The following FARS2 variants were observed in gnomAD, a reference collection of about 807,000 sequenced individuals.
FARS2 encodes phenylalanine--tRNA ligase, mitochondrial.
Under a neutral mutation model 46.4 loss-of-function variants are expected in FARS2, and 40 were observed. The ratio of observed to expected loss-of-function variants is 0.86; its 90% confidence interval spans 0.67 to 1.12. The LOEUF (loss-of-function observed/expected upper bound fraction) is 1.12. Among genes scored for constraint, FARS2 ranks in the 50% most tolerant of loss-of-function variants. The pLI is 0.00. For synonymous variants in FARS2, 234 were observed against 214.9 expected, an observed-to-expected ratio of 1.09 and a Z score of -0.78; for missense variants, 513 against 567.9, an observed-to-expected ratio of 0.90 and a Z score of 0.98.
chr6:5,499,754 A>G (rs1767680953), intron 4 of FARS2, among the ~76,000 whole-genome samples: 1 of 152,174 alleles, frequency 6.6e-6, no homozygotes. Context: ...GTACAAAGCC[A>G]TTTATCTAGT....
chr6:5,385,585 C>A (rs1002837216), intron 2 of FARS2, among the ~76,000 whole-genome samples: 41 of 152,114 alleles, frequency 2.7e-4, no homozygotes, highest in Middle Eastern at 6.8e-3. Context: ...CCATGCCCAG[C>A]TAATTTTTTT....
At chr6:5,256,620 A>T (rs759465123), upstream of FARS2, among the ~76,000 whole-genome samples, 2 of 151,740 alleles carry the variant, frequency 1.3e-5, no homozygotes, top group Non-Finnish European at 2.9e-5. Flanking sequence ...AAGAAACTGC[A>T]GAACAGAGAG....
intron 2 of FARS2, among the ~76,000 whole-genome samples, chr6:5,393,339 G>A (rs1760694581): frequency 6.6e-6 from 1 of 152,026 alleles, no homozygotes; most frequent in African/African-American, 2.4e-5. Context: ...TGGGAGTGAC[G>A]ATGCAGTGGC....
chr6:5,272,194 T>G (rs1766006203), intron 1 of FARS2, among the ~76,000 whole-genome samples: 2 of 152,138 alleles, frequency 1.3e-5, no homozygotes, highest in Non-Finnish European at 2.9e-5. Flanking sequence ...CGATTTTCGT[T>G]ATGGATAGAT....
At chr6:5,486,145 C>T (rs995740010) in intron 4 of FARS2, among the ~76,000 whole-genome samples, 1 of 152,214 alleles carries the variant, frequency 6.6e-6, no homozygotes, top group Non-Finnish European at 1.5e-5. Context: ...GCCATTCACA[C>T]TCAGTAAATG....
intron 1 of FARS2, among the ~76,000 whole-genome samples, chr6:5,355,558 C>T (rs1163543431): frequency 6.6e-6 from 1 of 152,016 alleles, no homozygotes; most frequent in East Asian, 1.9e-4. Flanking sequence ...GGGGTTTCAC[C>T]ATGCTGGCCA....
Position 5,355,568 on chromosome 6 carries a change from A to G in FARS2, c.-21-12982A>G, listed in dbSNP as rs912642833. Among the ~76,000 whole-genome samples the G allele has an allele frequency of 3.3e-5, 5 of 152,054 alleles. No individual in the cohort carries two copies. In the South Asian group the frequency reaches 1.0e-3, roughly 32 times the overall value. On this transcript the variant is annotated intron_variant, in intron 1 of 6. Coordinates refer to ENST00000274680, the MANE Select transcript of FARS2 (RefSeq NM_006567.5). ...GAGATGGGGTTTCACCATGCTGGCC[A>G]GGCTGGTCTTGAACTCCTGACCTTG... is the stretch of plus-strand genomic sequence containing the variant.
At chr6:5,368,491 C>T (rs927531697) in intron 1 of FARS2, 59 bp from the exon 2 acceptor site, 26 of 1,464,162 alleles carry the variant, frequency 1.8e-5, no homozygotes, top group Non-Finnish European at 2.3e-5. Context: ...ATGCAAAGAA[C>T]ACACTTGCTT....
intron 6 of FARS2, among the ~76,000 whole-genome samples, chr6:5,683,276 C>T (rs1044726950): frequency 6.6e-6 from 1 of 152,144 alleles, no homozygotes; most frequent in Admixed American, 6.5e-5. Flanking sequence ...ATGCACAGGG[C>T]ATGCTCTGTA....
chr6:5,677,313 T>C (rs1412609183), intron 6 of FARS2, among the ~76,000 whole-genome samples: 1 of 152,232 alleles, frequency 6.6e-6, no homozygotes, highest in African/African-American at 2.4e-5. Context: ...TTCTGCTTTC[T>C]TCTATCTCCT....
intron 5 of FARS2, among the ~76,000 whole-genome samples, chr6:5,591,851 A>G: frequency 6.6e-6 from 1 of 152,196 alleles, no homozygotes; most frequent in Non-Finnish European, 1.5e-5. Flanking sequence ...TATTTAAATT[A>G]ATTTAACCCA....
At chr6:5,280,099 C>T (rs1766618616) in intron 1 of FARS2, among the ~76,000 whole-genome samples, 1 of 152,182 alleles carries the variant, frequency 6.6e-6, no homozygotes, top group Non-Finnish European at 1.5e-5. Flanking sequence ...GGAGCAGTGA[C>T]AGTGCTGTGG....
intron 4 of FARS2, among the ~76,000 whole-genome samples, chr6:5,483,305 A>G (rs1248523622): frequency 1.3e-5 from 2 of 152,200 alleles, no homozygotes; most frequent in East Asian, 3.9e-4. Context: ...CCCACCTACA[A>G]CAAAGTCCTT....
At chr6:5,326,454 G>T (rs1209941110) in intron 1 of FARS2, among the ~76,000 whole-genome samples, 1 of 152,180 alleles carries the variant, frequency 6.6e-6, no homozygotes, top group African/African-American at 2.4e-5. Flanking sequence ...GACAGAGGCT[G>T]GCCCATGTGG....
At chr6:5,589,329 C>T (rs1310924060) in intron 5 of FARS2, among the ~76,000 whole-genome samples, 1 of 152,228 alleles carries the variant, frequency 6.6e-6, no homozygotes, top group African/African-American at 2.4e-5. Flanking sequence ...CAAGACAGCA[C>T]TTGGCAGGTA....
intron 6 of FARS2, 136 bp downstream of exon 6, chr6:5,613,456 CT>C: frequency 1.6e-6 from 1 of 623,222 alleles, no homozygotes; most frequent in Non-Finnish European, 2.6e-6. Flanking sequence ...GAATGTATAG[CT>C]TATCAGAAAA....
At chr6:5,469,724 G>A (rs1765707922) in intron 4 of FARS2, among the ~76,000 whole-genome samples, 2 of 152,164 alleles carry the variant, frequency 1.3e-5, no homozygotes, top group Admixed American at 1.3e-4. Context: ...GATAAGGTTT[G>A]GATTTGGAGT....
At chr6:5,473,545 CAA>C (rs372507372) in intron 4 of FARS2, among the ~76,000 whole-genome samples, 7,066 of 141,772 alleles carry the variant, frequency 0.05, 453 homozygotes, top group African/African-American at 0.14. Context: ...AAAAAAAAAA[CAA>C]AAAAAAAAAA....
At chr6:5,498,666 A>G (rs901849355) in intron 4 of FARS2, among the ~76,000 whole-genome samples, 2 of 152,090 alleles carry the variant, frequency 1.3e-5, no homozygotes, top group Admixed American at 6.5e-5. Flanking sequence ...TATGTCACCT[A>G]TGACTAACTC....
Sources: gnomAD v4.1 joint callset for allele counts (sites outside exome capture counted in the v4.1 genomes callset) on GRCh38, gnomAD v4.1.1 for gene constraint, MANE v1.5 for transcripts, NCBI Gene and HGNC (gene_info 2026-07-23, HGNC 2026-07-21) for gene names.